The following PGAP1 variants were observed in gnomAD, a reference collection of about 807,000 sequenced individuals.
PGAP1 encodes the protein post-GPI attachment to proteins inositol deacylase 1.
A neutral mutation model predicts 127.0 loss-of-function variants in PGAP1; 76 were observed. That is an observed-to-expected ratio of 0.60 (90% CI 0.50 to 0.72). The LOEUF (loss-of-function observed/expected upper bound fraction) is 0.72, where lower values mean the gene tolerates loss of function less well. Among genes scored for constraint, PGAP1 ranks in the 30% least tolerant of loss-of-function variants. The pLI is 0.00. For missense variants in PGAP1, 982 were observed against 1,071.3 expected (o/e 0.92, Z 1.16); for synonymous variants, 362 against 366.5 (o/e 0.99, Z 0.14).
At chr2:196,914,595 T>G (rs1284229597) in intron 3 of PGAP1, among the ~76,000 whole-genome samples, 1 of 151,014 alleles carries the variant, frequency 6.6e-6, no homozygotes, top group Admixed American at 6.6e-5. Flanking sequence ...TACTCCAGCC[T>G]GGTGACAGAG....
At chr2:196,851,361 T>G (rs1439476918) in intron 20 of PGAP1, among the ~76,000 whole-genome samples, 1 of 152,098 alleles carries the variant, frequency 6.6e-6, no homozygotes, top group African/African-American at 2.4e-5. Flanking sequence ...CAACTACTTG[T>G]CCAACCTCGG....
intron 10 of PGAP1, among the ~76,000 whole-genome samples, chr2:196,887,081 G>A (rs1701935152): frequency 6.6e-6 from 1 of 152,176 alleles, no homozygotes; most frequent in Non-Finnish European, 1.5e-5. Flanking sequence ...AGAGATGATT[G>A]TGACATTTTA....
chr2:196,905,672 C>T (rs112297961), intron 4 of PGAP1, among the ~76,000 whole-genome samples: 12,673 of 151,268 alleles, frequency 0.084, 622 homozygotes, highest in Middle Eastern at 0.13. Context: ...GTGATTTCTG[C>T]ATTTCCATCT....
At chr2:196,923,127 T>C (rs557657326) in intron 1 of PGAP1, among the ~76,000 whole-genome samples, 1 of 152,188 alleles carries the variant, frequency 6.6e-6, no homozygotes, top group Non-Finnish European at 1.5e-5. Flanking sequence ...CAGTTGACCC[T>C]AAAAGGCAAC....
chr2:196,853,913 T>A (rs981947653), intron 20 of PGAP1, among the ~76,000 whole-genome samples: 1 of 146,996 alleles, frequency 6.8e-6, no homozygotes, highest in Non-Finnish European at 1.5e-5. Flanking sequence ...AAGATGAATT[T>A]TTTTTTTTTT....
chr2:196,897,195 C>A lies in PGAP1; in HGVS notation c.863G>T (p.Cys288Phe). ...VSTDHLSIVW[C>F]KQLQLTTVRA... ...AACTGTAGTCAACTGCAATTGTTTA[C>A]ACCTAAGGAATAAAGTAAGTGTTAC... The change falls in exon 7 of 27, where the codon TGT becomes TTT. Residue 288 changes from cysteine to phenylalanine, a missense_variant and splice_region_variant. Transcript: ENST00000354764. 6.4e-7 allele frequency: 1 copy of A among 1,563,164 alleles called. No individual in the cohort carries two copies. The highest frequency in any genetic ancestry group is 1.8e-5 in the Admixed American group (1 of 54,992).
intron 1 of PGAP1, among the ~76,000 whole-genome samples, chr2:196,920,689 T>C (rs1020758233): frequency 6.6e-6 from 1 of 152,170 alleles, no homozygotes; most frequent in Non-Finnish European, 1.5e-5. Flanking sequence ...GCCTACAATA[T>C]GTGTAACAAA....
intron 3 of PGAP1, among the ~76,000 whole-genome samples, chr2:196,916,204 T>C (rs1703001760): frequency 6.6e-6 from 1 of 152,190 alleles, no homozygotes; most frequent in Non-Finnish European, 1.5e-5. Context: ...TAAAAAGTTT[T>C]TCTTCCTGAA....
At chr2:196,880,033 T>C (rs747451928) in intron 13 of PGAP1, 43 bp downstream of exon 13, 5 of 1,392,800 alleles carry the variant, frequency 3.6e-6, no homozygotes, top group African/African-American at 1.4e-5. Flanking sequence ...ATTTAGCATG[T>C]GTCTCCAAAA....
intron 1 of PGAP1, among the ~76,000 whole-genome samples, chr2:196,923,552 C>CTA (rs1703275614): frequency 3.3e-5 from 5 of 152,224 alleles, no homozygotes; most frequent in Non-Finnish European, 7.3e-5. Flanking sequence ...TCCCTTTCAC[C>CTA]TACACCAAGT....
Position 196,844,527 on chromosome 2 carries a change from AG to A in PGAP1, c.2333del (p.Pro778LeufsTer2). On this transcript the variant is annotated frameshift_variant, in exon 24 of 27. Coordinates refer to ENST00000354764, the MANE Select transcript of PGAP1 (RefSeq NM_024989.4). LOFTEE classifies it high-confidence loss of function. ...ASLTTFKNSQ[P>X]VNPKHSRRSE... ...GAGTTTTGAAAATAAAACTTACCAC[AG>A]GCTGGCTATTCTTAAAAGTTGTTAA... 6.3e-7 allele frequency: 1 copy of A among 1,594,012 alleles called. No homozygotes were observed. Among genetic ancestry groups the A allele is most frequent in the Non-Finnish European group, 8.5e-7 (1 of 1,171,552 alleles).
intron 20 of PGAP1, among the ~76,000 whole-genome samples, chr2:196,856,914 T>C (rs2125786537): frequency 6.6e-6 from 1 of 152,356 alleles, no homozygotes; most frequent in African/African-American, 2.4e-5. Flanking sequence ...GTGTCTTCTC[T>C]GATTTATTTG....
chr2:196,856,992 T>C (rs1415840777), intron 20 of PGAP1, among the ~76,000 whole-genome samples: 1 of 152,230 alleles, frequency 6.6e-6, no homozygotes, highest in Non-Finnish European at 1.5e-5. Context: ...CCTAGGTATT[T>C]TATTCTTTTT....
At chr2:196,922,384 T>C in intron 1 of PGAP1, 2 of 984,594 alleles carry the variant, frequency 2.0e-6, no homozygotes, top group Non-Finnish European at 1.2e-6. Flanking sequence ...TAACTTCACA[T>C]AGTTTTTAAG....
At chr2:196,898,811 G>C (rs1472479864) in intron 5 of PGAP1, among the ~76,000 whole-genome samples, 1 of 151,924 alleles carries the variant, frequency 6.6e-6, no homozygotes, top group East Asian at 1.9e-4. Flanking sequence ...TTCATCAGTG[G>C]TGTACCTAAG....
rs188130395 is a variant in PGAP1, at chr2:196,875,949, A to C, written c.1351-128T>G. ...CTTTGGAGAAAGTATCATCTATTAC[A>C]CTATAATTCTGCCTATACTTAAGTG... On this transcript the variant is annotated intron_variant, in intron 13 of 26. Transcript: ENST00000354764. 8 of 549,816 alleles carry C rather than the reference A, an allele frequency of 1.5e-5. No homozygotes were observed. In the Admixed American group the frequency reaches 1.7e-4, roughly 12 times the overall value. 34.1% of individuals were successfully genotyped at this position (549,816 alleles called of 1,614,324 possible).
Position 196,859,087 on chromosome 2 carries a change from G to A in PGAP1, c.1861+5900C>T, listed in dbSNP as rs975697577. 4.6e-5 allele frequency among the ~76,000 whole-genome samples: 7 copies of A among 152,190 alleles called. 1 individual carries two copies. The highest frequency in any genetic ancestry group is 1.3e-4 in the Admixed American group (2 of 15,280). The stretch of plus-strand genomic sequence containing the variant: ...CACACCTGTAATCCCAGCACTTTGG[G>A]AGGCTGAGGCAGGCAGATCACCTGA... On this transcript the variant is annotated intron_variant, in intron 20 of 26. Coordinates refer to ENST00000354764, the MANE Select transcript of PGAP1 (RefSeq NM_024989.4).
At chr2:196,875,462 A>C (rs1233232119) in intron 14 of PGAP1, among the ~76,000 whole-genome samples, 1 of 152,170 alleles carries the variant, frequency 6.6e-6, no homozygotes, top group Non-Finnish European at 1.5e-5. Flanking sequence ...TCTATATTAA[A>C]ATTGTATTAA....
rs1338120202 is a variant in PGAP1 at position 196,893,290 on chromosome 2, T to C, written c.928-45A>G. The stretch of plus-strand genomic sequence containing the variant: ...ATTCTGTATCATTTTGTATCTATTG[T>C]AATAGCTTGATGAAACATTGCTTCA... On this transcript the variant is annotated intron_variant, in intron 7 of 26. Coordinates refer to ENST00000354764, the MANE Select transcript of PGAP1 (RefSeq NM_024989.4). The C allele has an allele frequency of 6.6e-6, 7 of 1,055,884 alleles. No homozygotes were observed. The East Asian group carries it at 1.7e-4, about 26-fold the overall frequency. 65.4% of individuals were successfully genotyped at this position (1,055,884 alleles called of 1,614,324 possible). A position where few individuals can be genotyped will look rare whatever the true frequency, so the allele number is the denominator to read the frequency against.
Sources: gnomAD v4.1 joint callset for allele counts (sites outside exome capture counted in the v4.1 genomes callset) on GRCh38, gnomAD v4.1.1 for gene constraint, MANE v1.5 for transcripts, NCBI Gene and HGNC (gene_info 2026-07-23, HGNC 2026-07-21) for gene names.